Variants in CNNM1 observed in about 807,000 individuals in gnomAD.
CNNM1 encodes cyclin and CBS domain divalent metal cation transport mediator 1.
CNNM1 carries 44 observed loss-of-function variants against 78.8 expected under a neutral mutation model. The ratio of observed to expected loss-of-function variants is 0.56; its 90% CI spans 0.44 to 0.72. The LOEUF (loss-of-function observed/expected upper bound fraction) is 0.72, where lower values mean the gene tolerates loss of function less well. Ranked by LOEUF, CNNM1 falls within the 30% of genes least tolerant of loss-of-function variation. The pLI, the probability that CNNM1 is intolerant of heterozygous loss-of-function variation, is 0.00. For synonymous variants in CNNM1, 584 were observed against 581.5 expected (o/e 1.00, Z -0.06); for missense variants, 1,101 against 1,292.2 (o/e 0.85, Z 2.27).
chr10:99,377,960 C>CTT (rs66722952), intron 7 of CNNM1, among the ~76,000 whole-genome samples: 26 of 89,630 alleles, frequency 2.9e-4, no homozygotes, highest in Admixed American at 7.0e-4. Flanking sequence ...TCCATAGGTT[C>CTT]TTTTTTTTTT....
At chr10:99,340,957 A>T (rs1272502753) in intron 1 of CNNM1, among the ~76,000 whole-genome samples, 1 of 148,604 alleles carries the variant, frequency 6.7e-6, no homozygotes, top group Non-Finnish European at 1.5e-5. Context: ...GGCACTGGAG[A>T]TGCAGTGTGG....
chr10:99,356,132 G>A (rs1475039257), intron 1 of CNNM1, among the ~76,000 whole-genome samples: 1 of 152,210 alleles, frequency 6.6e-6, no homozygotes, highest in East Asian at 1.9e-4. Flanking sequence ...GCTTCACAGT[G>A]TCTGGGGCCA....
At chr10:99,349,960 T>C (rs989333557) in intron 1 of CNNM1, among the ~76,000 whole-genome samples, 19 of 151,996 alleles carry the variant, frequency 1.3e-4, no homozygotes, top group African/African-American at 4.6e-4. Context: ...GATCACACCA[T>C]TGAACTCCAG....
intron 6 of CNNM1, among the ~76,000 whole-genome samples, chr10:99,375,439 A>G (rs1051949516): frequency 6.6e-6 from 1 of 152,192 alleles, no homozygotes; most frequent in East Asian, 1.9e-4. Flanking sequence ...GTCAAGGACA[A>G]TCCTGGGGTT....
At position 99,360,958 on chromosome 10, in the gene CNNM1, A is replaced by G; in HGVS notation, c.1841A>G (p.His614Arg). 1.2e-6 allele frequency: 2 copies of G among 1,609,556 alleles called. No homozygotes were observed. Among genetic ancestry groups the G allele is most frequent in the Non-Finnish European group, 1.7e-6 (2 of 1,176,724 alleles). ...TCACCACAGCTTCTGCTAGCCACAC[A>G]CCGCTTCATGGCCACAGGTAGGACA... ...KISPQLLLAT[H>R]RFMATEVEPF... Residue 614 changes from histidine (H) to arginine (R), a missense_variant, in exon 3 of 11, where the codon CAC becomes CGC. Coordinates refer to ENST00000356713, the MANE Select transcript of CNNM1 (RefSeq NM_020348.3).
intron 1 of CNNM1, among the ~76,000 whole-genome samples, chr10:99,346,374 C>T (rs185802402): frequency 9.8e-4 from 150 of 152,322 alleles, no homozygotes; most frequent in Non-Finnish European, 1.7e-3. Flanking sequence ...CCTCAGTCTC[C>T]TTTACTGGTT....
intron 7 of CNNM1, among the ~76,000 whole-genome samples, chr10:99,386,592 T>C (rs1055415793): frequency 1.4e-4 from 21 of 152,356 alleles, no homozygotes; most frequent in Non-Finnish European, 4.4e-5. Flanking sequence ...TTCGATTGGT[T>C]GTGCTTAGAA....
At chr10:99,346,805 C>T (rs969856436) in intron 1 of CNNM1, among the ~76,000 whole-genome samples, 6 of 151,806 alleles carry the variant, frequency 4.0e-5, no homozygotes, top group African/African-American at 1.5e-4. Context: ...AATGGGCTTT[C>T]ACTATGTTGT....
rs2032367915 is a variant in CNNM1 at position 99,388,198 on chromosome 10, G to A, written c.2571G>A (p.Leu857=). 1 of 1,614,024 alleles carries A rather than the reference G, an allele frequency of 6.2e-7. No individual in the cohort carries two copies. Among genetic ancestry groups the A allele is most frequent in the African/African-American group, 1.3e-5 (1 of 75,078 alleles). ...GLRSPSEVVY[L]RMEELAFTQE... Reference sequence around the variant, plus strand: ...GAAGCCCCAGCGAGGTAGTGTACCTGAGGATGGAGGAGCTGGCCTTCACCC... The same window carrying A: ...GAAGCCCCAGCGAGGTAGTGTACCTAAGGATGGAGGAGCTGGCCTTCACCC... The change falls in exon 9 of 11, where the codon CTG becomes CTA. Residue 857 remains leucine (L), a synonymous_variant. Transcript: ENST00000356713.
chr10:99,353,412 G>C (rs949397810), intron 1 of CNNM1, among the ~76,000 whole-genome samples: 1 of 152,172 alleles, frequency 6.6e-6, no homozygotes, highest in African/African-American at 2.4e-5. Context: ...ATAGCAACAG[G>C]TAGCTTCAAT....
chr10:99,360,971 C>T lies in CNNM1; in HGVS notation c.1854C>T (p.Ala618=), dbSNP rs755315226. 6.2e-7 allele frequency: 1 copy of T among 1,605,688 alleles called. No individual in the cohort carries two copies. Among genetic ancestry groups the T allele is most frequent in the Non-Finnish European group, 8.5e-7 (1 of 1,174,374 alleles). ...QLLLATHRFM[A]TEVEPFKSLY... Reference sequence around the variant, plus strand: ...TGCTAGCCACACACCGCTTCATGGCCACAGGTAGGACAAGTCTCCACTCCA... The same window carrying T: ...TGCTAGCCACACACCGCTTCATGGCTACAGGTAGGACAAGTCTCCACTCCA... Residue 618 remains alanine (A), a synonymous_variant, in exon 3 of 11, where the codon GCC becomes GCT. Transcript: ENST00000356713.
At chr10:99,349,770 G>T (rs754791425) in intron 1 of CNNM1, among the ~76,000 whole-genome samples, 6 of 152,224 alleles carry the variant, frequency 3.9e-5, no homozygotes, top group Admixed American at 2.0e-4. Context: ...GGAGGCTGAG[G>T]TGGGCGGATC....
In CNNM1 at chr10:99,330,713, G is replaced by A; in HGVS notation, c.1326G>A (p.Leu442=). ...CCCCCCTGGGAGACTGCTTCATGCT[G>A]CGCTCAGACGCGGTGCTCGACTTCG... The part of the protein sequence containing the change: ...VLTPLGDCFM[L]RSDAVLDFAT... The change falls in exon 1 of 11, where the codon CTG becomes CTA. Residue 442 remains leucine (L), a synonymous_variant. Coordinates refer to ENST00000356713, the MANE Select transcript of CNNM1 (RefSeq NM_020348.3). The A allele has an allele frequency of 6.2e-7, 1 of 1,614,040 alleles. No individual in the cohort carries two copies. The highest frequency in any genetic ancestry group is 2.2e-5 in the East Asian group (1 of 44,884).
chr10:99,337,691 T>C (rs1438191270), intron 1 of CNNM1, among the ~76,000 whole-genome samples: 2 of 152,216 alleles, frequency 1.3e-5, no homozygotes, highest in African/African-American at 4.8e-5. Context: ...CCCACCCATA[T>C]AATGAGCATC....
At position 99,329,921 on chromosome 10, in the gene CNNM1, C is replaced by T; in HGVS notation, c.534C>T (p.Gly178=). 7.2e-7 allele frequency: 1 copy of T among 1,383,136 alleles called. No individual in the cohort carries two copies. The allele number at this position is 1,383,136 out of a possible 1,614,324, so 85.7% of individuals were successfully genotyped here. ...GCGAAGCGGAGCGGGGCGGCGCGGG[C>T]GGTGGCGGGAAGCTCTTTTCACTCT... ...RKGEAERGGA[G]GGGKLFSLCA... Residue 178 remains glycine (G), a synonymous_variant, in exon 1 of 11, where the codon GGC becomes GGT. Coordinates refer to ENST00000356713, the MANE Select transcript of CNNM1 (RefSeq NM_020348.3).
chr10:99,354,422 A>T (rs902009158), intron 1 of CNNM1, among the ~76,000 whole-genome samples: 1 of 152,202 alleles, frequency 6.6e-6, no homozygotes, highest in Non-Finnish European at 1.5e-5. Context: ...AATATCACCT[A>T]TTGTATAAAT....
At position 99,377,091 on chromosome 10, in the gene CNNM1, G is replaced by T. The variant is rs759314624; in HGVS notation, c.2213G>T (p.Arg738Leu). Residue 738 changes from arginine to leucine, a missense_variant, in exon 7 of 11, where the codon CGC (arginine) becomes CTC (leucine). Arg to Leu is a moderately radical substitution (Grantham distance 102). Coordinates refer to ENST00000356713, the MANE Select transcript of CNNM1 (RefSeq NM_020348.3). ...RSPSRCSGLN[R>L]SESPNRERSD... Reference sequence around the variant, plus strand: ...CCTTCTCGCTGCAGTGGGTTGAATCGCTCTGAGTCTCCAAACCGAGAGCGC... The same window carrying T: ...CCTTCTCGCTGCAGTGGGTTGAATCTCTCTGAGTCTCCAAACCGAGAGCGC... The T allele has an allele frequency of 1.9e-6, 3 of 1,587,800 alleles. No homozygotes were observed. In the East Asian group the frequency reaches 6.9e-5, roughly 36 times the overall value.
Position 99,365,009 on chromosome 10 carries a change from A to G in CNNM1, c.2176+7A>G. The G allele has an allele frequency of 1.9e-6, 3 of 1,613,866 alleles. No individual in the cohort carries two copies. The highest frequency in any genetic ancestry group is 1.3e-5 in the African/African-American group (1 of 75,048). ...GCTGGATCTTCTGTCTTTCGTATGT[A>G]TCTCTCAAACCCCTTCCTCGTCCTC... On this transcript the variant is annotated splice_region_variant and intron_variant, in intron 6 of 10. Coordinates refer to ENST00000356713, the MANE Select transcript of CNNM1 (RefSeq NM_020348.3).
At chr10:99,354,622 G>A (rs1278349233) in intron 1 of CNNM1, among the ~76,000 whole-genome samples, 3 of 152,188 alleles carry the variant, frequency 2.0e-5, no homozygotes, top group African/African-American at 7.2e-5. Flanking sequence ...TGCTGTAATA[G>A]AGAGGTTGGT....
Sources: gnomAD v4.1 joint callset for allele counts (sites outside exome capture counted in the v4.1 genomes callset) on GRCh38, gnomAD v4.1.1 for gene constraint, MANE v1.5 for transcripts, NCBI Gene and HGNC (gene_info 2026-07-23, HGNC 2026-07-21) for gene names.